The following SLC25A46 variants were observed in gnomAD, a reference collection of about 807,000 sequenced individuals.
SLC25A46 encodes solute carrier family 25 member 46.
Under a neutral mutation model 44.6 loss-of-function variants are expected in SLC25A46, and 39 were observed. The ratio of observed to expected loss-of-function variants is 0.87; its 90% CI spans 0.68 to 1.14. The LOEUF is 1.14. SLC25A46 is among the 50% of genes most tolerant of loss of function. The pLI, the probability that SLC25A46 is intolerant of heterozygous loss-of-function variation, is 0.00. For synonymous variants in SLC25A46, 202 were observed against 185.8 expected, an observed-to-expected ratio of 1.09 and a Z score of -0.71; for missense variants, 547 against 522.7, an observed-to-expected ratio of 1.05 and a Z score of -0.45.
Position 110,761,959 on chromosome 5 carries a change from A to G in SLC25A46, c.*177A>G, listed in dbSNP as rs1167930699. On this transcript the variant is annotated 3_prime_UTR_variant, in exon 8 of 8. Transcript: ENST00000355943. The surrounding 1 kb of genome is among the most constrained non-coding windows in gnomAD (Gnocchi z 5.3). ...TTTAAGGCATAGGTATATATTTTGG[A>G]TCAAAATCCTTCCAAATTTGAAAAC... The G allele has an allele frequency of 1.8e-6, 1 of 544,882 alleles. No homozygotes were observed. The highest frequency in any genetic ancestry group is 3.2e-6 in the Non-Finnish European group (1 of 316,164). 33.8% of individuals were successfully genotyped at this position (544,882 alleles called of 1,614,324 possible). A position where few individuals can be genotyped will look rare whatever the true frequency, so the allele number is the denominator to read the frequency against.
In SLC25A46 at chr5:110,756,762, G is replaced by A. The variant is rs1580867186; in HGVS notation, c.678+3G>A. 4 of 1,523,550 alleles carry A rather than the reference G, an allele frequency of 2.6e-6. No individual in the cohort carries two copies. Among genetic ancestry groups the A allele is most frequent in the Non-Finnish European group, 3.5e-6 (4 of 1,141,964 alleles). The allele number at this position is 1,523,550 out of a possible 1,614,324, so 94.4% of individuals were successfully genotyped here. A position where few individuals can be genotyped will look rare whatever the true frequency, so the allele number is the denominator to read the frequency against. On this transcript the variant is annotated splice_donor_region_variant and intron_variant, in intron 7 of 7. Transcript: ENST00000355943. ...CAAGTCTGATTGAAACAGTGCAGGT[G>A]AGCTTTTTTTTACTGTCATTTTTTT...
chr5:110,748,044 T>C (rs1475688341), intron 4 of SLC25A46, 119 bp from the exon 5 acceptor site: 2 of 636,106 alleles, frequency 3.1e-6, no homozygotes, highest in African/African-American at 3.7e-5. Context: ...TCTCTACTAA[T>C]ATTTCTATTA....
intron 7 of SLC25A46, 31 bp downstream of exon 7, chr5:110,756,790 T>A (rs751457577): frequency 1.1e-5 from 16 of 1,466,742 alleles, no homozygotes; most frequent in East Asian, 4.8e-5. Flanking sequence ...ATTTTTTTTT[T>A]ATTTAAGAAT....
Position 110,739,098 on chromosome 5 carries a change from G to T in SLC25A46, c.-22G>T, listed in dbSNP as rs889277279. ...GTGGTGGTGGGCTCCGGGCGGGCTCGCGTCATCCTGCCCCCGCTGCGATGC... is the reference window on the plus strand; with the variant it reads ...GTGGTGGTGGGCTCCGGGCGGGCTCTCGTCATCCTGCCCCCGCTGCGATGC... On this transcript the variant is annotated 5_prime_UTR_variant, in exon 1 of 8. Coordinates refer to ENST00000355943, the MANE Select transcript of SLC25A46 (RefSeq NM_138773.4). The T allele has an allele frequency of 6.5e-7, 1 of 1,542,216 alleles. No individual in the cohort carries two copies. The highest frequency in any genetic ancestry group is 2.4e-5 in the East Asian group (1 of 40,826).
intron 7 of SLC25A46, among the ~76,000 whole-genome samples, chr5:110,757,217 G>A (rs27592): frequency 0.98 from 149,678 of 152,200 alleles, 73,680 homozygotes; most frequent in Non-Finnish European, 1. Flanking sequence ...GCCTTTAAGT[G>A]ACATTTGATA....
chr5:110,742,085 G>A lies in SLC25A46; in HGVS notation c.322G>A (p.Ala108Thr), dbSNP rs766964934. The change falls in exon 2 of 8, where the codon GCA (alanine) becomes ACA (threonine). Residue 108 changes from alanine to threonine, a missense_variant. Transcript: ENST00000355943. ...NRFAGFGIGL[A>T]SLFTENVLAH... is the part of the protein sequence containing the mutation. Reference sequence around the variant, plus strand: ...ATTTGCTGGATTTGGTATTGGACTTGCAAGGTAATGTTTTATCTAAAGACG... The same window carrying A: ...ATTTGCTGGATTTGGTATTGGACTTACAAGGTAATGTTTTATCTAAAGACG... 31 of 1,566,426 alleles carry A rather than the reference G, an allele frequency of 2.0e-5. No individual in the cohort carries two copies. The highest frequency in any genetic ancestry group is 2.7e-5 in the Non-Finnish European group (31 of 1,155,622).
At chr5:110,750,625 A>G (rs1318839001) in intron 5 of SLC25A46, among the ~76,000 whole-genome samples, 1 of 152,212 alleles carries the variant, frequency 6.6e-6, no homozygotes, top group Non-Finnish European at 1.5e-5. Flanking sequence ...ATGCTATGTA[A>G]ATAGTTGTTA....
At chr5:110,743,083 A>G (rs1799731286) in intron 2 of SLC25A46, among the ~76,000 whole-genome samples, 1 of 152,020 alleles carries the variant, frequency 6.6e-6, no homozygotes, top group Non-Finnish European at 1.5e-5. Context: ...TTCATTTGAT[A>G]GACTATTATT....
rs1799866743 is a variant in SLC25A46 at position 110,748,105 on chromosome 5, T to A, written c.463-58T>A. On this transcript the variant is annotated intron_variant, in intron 4 of 7. Transcript: ENST00000355943. ...TACACAATATCAAGTTTTATTAAGA[T>A]CTTTTGTGTTTCAGATGTAGGTATT... is the stretch of plus-strand genomic sequence containing the variant. 2.5e-6 allele frequency: 3 copies of A among 1,181,362 alleles called. No homozygotes were observed. In the Admixed American group the frequency reaches 5.3e-5, roughly 21 times the overall value. 73.2% of individuals were successfully genotyped at this position (1,181,362 alleles called of 1,614,324 possible). A position where few individuals can be genotyped will look rare whatever the true frequency, so the allele number is the denominator to read the frequency against.
Position 110,746,320 on chromosome 5 carries a change from A to G in SLC25A46, c.436A>G (p.Ile146Val), listed in dbSNP as rs770525652. The G allele has an allele frequency of 2.5e-5, 40 of 1,591,514 alleles. No individual in the cohort carries two copies. The highest frequency in any genetic ancestry group is 3.2e-5 in the Non-Finnish European group (38 of 1,172,474). Residue 146 changes from isoleucine (I) to valine (V), a missense_variant, in exon 4 of 8, where the codon ATT becomes GTT. Transcript: ENST00000355943. ...TCTCACTCCATTTACAGTCATCAAT[A>G]TTATGTACAGTTTCAACAAAACTCA... ...YHLTPFTVIN[I>V]MYSFNKTQGP...
Position 110,739,071 on chromosome 5 carries a change from C to G in SLC25A46, c.-49C>G, listed in dbSNP as rs751659870. On this transcript the variant is annotated 5_prime_UTR_variant, in exon 1 of 8. Coordinates refer to ENST00000355943, the MANE Select transcript of SLC25A46 (RefSeq NM_138773.4). ...GTGTGTGCTTAGGTCGTGGTGGCCC[C>G]GGTGGTGGTGGGCTCCGGGCGGGCT... 10 of 1,530,968 alleles carry G rather than the reference C, an allele frequency of 6.5e-6. No individual in the cohort carries two copies. The highest frequency in any genetic ancestry group is 1.4e-5 in the African/African-American group (1 of 72,368). 94.8% of individuals were successfully genotyped at this position (1,530,968 alleles called of 1,614,324 possible). A position where few individuals can be genotyped will look rare whatever the true frequency, so the allele number is the denominator to read the frequency against.
intron 7 of SLC25A46, among the ~76,000 whole-genome samples, chr5:110,758,064 T>G (rs2150416896): frequency 6.6e-6 from 1 of 152,324 alleles, no homozygotes; most frequent in East Asian, 1.9e-4. Flanking sequence ...ACCCAGTATT[T>G]ACTCCTTGTT....
chr5:110,741,198 G>C (rs1228280380), intron 1 of SLC25A46, among the ~76,000 whole-genome samples: 2 of 152,106 alleles, frequency 1.3e-5, no homozygotes, highest in African/African-American at 4.8e-5. Flanking sequence ...GGTCCCCTGG[G>C]GTTGTAATAG....
chr5:110,739,440 A>G (rs1377371323), intron 1 of SLC25A46, 38 bp downstream of exon 1: 1 of 1,503,226 alleles, frequency 6.7e-7, no homozygotes, highest in Non-Finnish European at 8.8e-7. Flanking sequence ...ATGAGGGGTT[A>G]CTGGGGCCGC....
chr5:110,747,502 C>T (rs917566232), intron 4 of SLC25A46, among the ~76,000 whole-genome samples: 1 of 151,980 alleles, frequency 6.6e-6, no homozygotes, highest in African/African-American at 2.4e-5. Context: ...TACCCTATTG[C>T]TTCTTTTTAA....
Position 110,761,542 on chromosome 5 carries a change from C to T in SLC25A46, c.1017C>T (p.His339=). 3.7e-6 allele frequency: 6 copies of T among 1,613,794 alleles called. No individual in the cohort carries two copies. Among genetic ancestry groups the T allele is most frequent in the Non-Finnish European group, 5.1e-6 (6 of 1,179,808 alleles). ...VILYPLETVL[H]RLHIQGTRTI... The stretch of plus-strand genomic sequence containing the variant: ...TTTACCCATTGGAAACAGTTTTGCA[C>T]CGCCTTCACATTCAAGGAACACGCA... Residue 339 remains histidine, a synonymous_variant, in exon 8 of 8, where the codon CAC becomes CAT. Transcript: ENST00000355943. The surrounding 1 kb of genome is among the most constrained non-coding windows in gnomAD (Gnocchi z 5.3).
In SLC25A46 at chr5:110,764,409, G is replaced by C. The variant is rs951391901; in HGVS notation, c.*2627G>C. On this transcript the variant is annotated 3_prime_UTR_variant, in exon 8 of 8. Transcript: ENST00000355943. ...ATAAGGTTATCTATTAAAGCCCCCA[G>C]AATCTCAGCACTAGATGTCATAAAT... The C allele has an allele frequency of 2.0e-5, 3 of 151,772 alleles. No individual in the cohort carries two copies. The highest frequency in any genetic ancestry group is 2.9e-5 in the Non-Finnish European group (2 of 67,898). The allele number at this position is 151,772 out of a possible 1,614,324, so 9.4% of individuals were successfully genotyped here.
chr5:110,757,323 C>T (rs913033645), intron 7 of SLC25A46, among the ~76,000 whole-genome samples: 5 of 152,062 alleles, frequency 3.3e-5, no homozygotes, highest in East Asian at 1.9e-4. Context: ...CACATGGTGG[C>T]GCTTCAAGTA....
rs1274750215 is a variant in SLC25A46 at position 110,748,242 on chromosome 5, G to C, written c.542G>C (p.Ser181Thr). 1 of 1,613,258 alleles carries C rather than the reference G, an allele frequency of 6.2e-7. No homozygotes were observed. Among genetic ancestry groups the C allele is most frequent in the Non-Finnish European group, 8.5e-7 (1 of 1,179,456 alleles). ...ACACTTGGAGCAGAAGGCATAATTA[G>C]TGAATTTACACCTTTGCCAAGGTAC... ...GVTLGAEGIISEFTPLPREVL... is the reference protein window; with the variant it reads ...GVTLGAEGIITEFTPLPREVL... The change falls in exon 5 of 8, where the codon AGT becomes ACT. Residue 181 changes from serine (S) to threonine (T), a missense_variant. Transcript: ENST00000355943.
Sources: gnomAD v4.1 joint callset for allele counts (sites outside exome capture counted in the v4.1 genomes callset) on GRCh38, gnomAD v4.1.1 for gene constraint, Gnocchi (gnomAD v3.1) non-coding constraint, MANE v1.5 for transcripts, NCBI Gene and HGNC (gene_info 2026-07-23, HGNC 2026-07-21) for gene names.